The following SLCO2A1 variants were observed in gnomAD, a reference collection of about 807,000 sequenced individuals.
The protein encoded by SLCO2A1 is matrin F/G 1.
SLCO2A1 carries 60 observed loss-of-function variants against 71.7 expected under a neutral mutation model. That is an observed-to-expected ratio of 0.84 (90% confidence interval 0.68 to 1.04). The LOEUF is 1.04. SLCO2A1 is among the 50% of genes least tolerant of loss of function. The pLI is 0.00. For missense variants in SLCO2A1, 745 were observed against 813.4 expected (o/e 0.92, Z 1.02); for synonymous variants, 308 against 326.7 (o/e 0.94, Z 0.62).
intron 1 of SLCO2A1, among the ~76,000 whole-genome samples, chr3:133,983,822 T>C (rs1001304650): frequency 2.0e-5 from 3 of 152,192 alleles, no homozygotes; most frequent in African/African-American, 7.2e-5. Flanking sequence ...CATACAGCTT[T>C]GGGAGAGACG....
At chr3:134,000,426 G>A (rs1004284392) in intron 1 of SLCO2A1, among the ~76,000 whole-genome samples, 14 of 152,224 alleles carry the variant, frequency 9.2e-5, no homozygotes, top group African/African-American at 3.4e-4. Context: ...TGAGGGAGAA[G>A]CTAGGCACCT....
intron 1 of SLCO2A1, among the ~76,000 whole-genome samples, chr3:133,991,553 T>A (rs149904307): frequency 3.4e-4 from 52 of 152,382 alleles, no homozygotes; most frequent in African/African-American, 1.2e-3. Context: ...TTTAGTATTA[T>A]TCATTTTATT....
chr3:134,023,951 C>G (rs1935647751), intron 1 of SLCO2A1, among the ~76,000 whole-genome samples: 1 of 152,236 alleles, frequency 6.6e-6, no homozygotes. Flanking sequence ...CCCTGCGGGT[C>G]AGCCCCCAAA....
intron 13 of SLCO2A1, 131 bp downstream of exon 13, chr3:133,935,643 C>A: frequency 9.2e-7 from 1 of 1,088,866 alleles, no homozygotes. Context: ...ATGGCAGGGC[C>A]GCAGAGGTGG....
rs1393908707 is a variant in SLCO2A1 at position 134,002,160 on chromosome 3, C to G, written c.97-22542G>C. On this transcript the variant is annotated intron_variant, in intron 1 of 13. Coordinates refer to ENST00000310926, the MANE Select transcript of SLCO2A1 (RefSeq NM_005630.3). ...AAAACGTTTGCCATTTCCAAACTAT[C>G]TGGGGGCAAAAAGACAGAAATGGAA... 3.3e-5 allele frequency among the ~76,000 whole-genome samples: 5 copies of G among 152,230 alleles called. No individual in the cohort carries two copies. In the East Asian group the frequency reaches 9.6e-4, roughly 29 times the overall value.
At chr3:133,979,767 G>A (rs552234534) in intron 1 of SLCO2A1, 149 bp from the exon 2 acceptor site, 22 of 813,284 alleles carry the variant, frequency 2.7e-5, no homozygotes, top group South Asian at 2.6e-4. Flanking sequence ...AGGATGAAAC[G>A]TCATCATTGC....
At chr3:133,979,260 G>A (rs994350502) in intron 2 of SLCO2A1, among the ~76,000 whole-genome samples, 5 of 152,250 alleles carry the variant, frequency 3.3e-5, no homozygotes, top group African/African-American at 1.2e-4. Context: ...GGTCAGGCAT[G>A]GGAGGCTTTC....
At chr3:133,947,963 G>A (rs144734092) in intron 8 of SLCO2A1, among the ~76,000 whole-genome samples, 193 of 152,188 alleles carry the variant, frequency 1.3e-3, no homozygotes, top group African/African-American at 4.5e-3. Flanking sequence ...TAGGGTACTT[G>A]GTGGGACCAC....
chr3:133,937,374 C>T (rs1448823091), intron 12 of SLCO2A1, among the ~76,000 whole-genome samples: 2 of 152,200 alleles, frequency 1.3e-5, no homozygotes, highest in Non-Finnish European at 2.9e-5. Flanking sequence ...AGGGGCTCTG[C>T]AGGGACTAGA....
chr3:134,001,120 C>CT lies in SLCO2A1; in HGVS notation c.97-21503dup, dbSNP rs748857824. On this transcript the variant is annotated intron_variant, in intron 1 of 13. Coordinates refer to ENST00000310926, the MANE Select transcript of SLCO2A1 (RefSeq NM_005630.3). ...GGTGGGTCCACACAGAGTCTTTGGT[C>CT]TTTTTTTTTTTTTCTGAGACAGAGT... is the stretch of plus-strand genomic sequence containing the variant. Among the ~76,000 whole-genome samples the CT allele has an allele frequency of 1.7e-3, 253 of 145,120 alleles. 1 individual carries two copies. The highest frequency in any genetic ancestry group is 3.4e-3 in the African/African-American group (136 of 39,902).
intron 3 of SLCO2A1, among the ~76,000 whole-genome samples, chr3:133,960,574 T>C (rs1372424760): frequency 6.6e-6 from 1 of 152,208 alleles, no homozygotes; most frequent in African/African-American, 2.4e-5. Flanking sequence ...AGTTAGTGTT[T>C]AACAGATACA....
intron 1 of SLCO2A1, among the ~76,000 whole-genome samples, chr3:134,027,085 A>G (rs191668705): frequency 4.6e-5 from 7 of 152,340 alleles, no homozygotes; most frequent in Non-Finnish European, 7.3e-5. Flanking sequence ...CAAGTGTACT[A>G]TATGAATCAC....
chr3:133,973,404 G>A lies in SLCO2A1; in HGVS notation c.397+259C>T, dbSNP rs142878157. On this transcript the variant is annotated intron_variant, in intron 3 of 13. Coordinates refer to ENST00000310926, the MANE Select transcript of SLCO2A1 (RefSeq NM_005630.3). The stretch of plus-strand genomic sequence containing the variant: ...AGCCCCATTGCAGAAACTGCTCACA[G>A]TGTCCCCAGGGAGGTGGAGCTTGGG... Among the ~76,000 whole-genome samples the A allele has an allele frequency of 4.4e-4, 67 of 152,340 alleles. 1 individual carries two copies. The East Asian group carries it at 0.013, about 28-fold the overall frequency.
intron 1 of SLCO2A1, among the ~76,000 whole-genome samples, chr3:134,021,809 T>C (rs1215855383): frequency 1.6e-5 from 2 of 121,636 alleles, no homozygotes; most frequent in Non-Finnish European, 3.8e-5. Context: ...TTAAAACCTA[T>C]AATTGATAAT....
At chr3:133,967,444 G>A (rs962493794) in intron 3 of SLCO2A1, among the ~76,000 whole-genome samples, 6 of 152,118 alleles carry the variant, frequency 3.9e-5, no homozygotes, top group Non-Finnish European at 7.3e-5. Context: ...GCTCCTTCCC[G>A]GGCCTTCTCT....
At position 133,955,160 on chromosome 3, in the gene SLCO2A1, T is replaced by G. The variant is rs775166849; in HGVS notation, c.431A>C (p.Gln144Pro). 3.7e-6 allele frequency: 6 copies of G among 1,614,050 alleles called. No individual in the cohort carries two copies. In the South Asian group the frequency reaches 6.6e-5, roughly 18 times the overall value. The part of the protein sequence containing the change: ...NNSRLQAELC[Q>P]KHWQDLPPSK... ...GGGAGGCAGGTCCTGCCAATGCTTCTGGCAGAGCTCGGCCTGCAAGCGGCT... is the reference window on the plus strand; with the variant it reads ...GGGAGGCAGGTCCTGCCAATGCTTCGGGCAGAGCTCGGCCTGCAAGCGGCT... The change falls in exon 4 of 14, where the codon CAG (glutamine) becomes CCG (proline). Residue 144 changes from glutamine to proline, a missense_variant. Gln to Pro is a moderately conservative substitution (Grantham distance 76, BLOSUM62 -1). Transcript: ENST00000310926.
At chr3:133,982,699 T>C (rs140228200) in intron 1 of SLCO2A1, among the ~76,000 whole-genome samples, 29 of 152,224 alleles carry the variant, frequency 1.9e-4, no homozygotes, top group Non-Finnish European at 4.0e-4. Flanking sequence ...CCTCTTCTAC[T>C]GGTGTAAGCC....
intron 1 of SLCO2A1, among the ~76,000 whole-genome samples, chr3:133,982,269 C>T (rs1934612724): frequency 6.6e-6 from 1 of 152,154 alleles, no homozygotes; most frequent in African/African-American, 2.4e-5. Flanking sequence ...AGATCTTCCT[C>T]CTCTAGCCAC....
Position 133,942,756 on chromosome 3 carries a change from A to C in SLCO2A1, c.1474T>G (p.Cys492Gly). The C allele has an allele frequency of 6.3e-7, 1 of 1,598,930 alleles. No individual in the cohort carries two copies. ...ATSKQLIYLN[C>G]SCVTGGSASA... The stretch of plus-strand genomic sequence containing the variant: ...GCGGATCCCCCGGTCACACAGCTGC[A>C]GTTCAAATAGATCTTCAAGAGGAAG... The change falls in exon 11 of 14, where the codon TGC becomes GGC. Residue 492 changes from cysteine (C) to glycine (G), a missense_variant. Transcript: ENST00000310926.
Sources: gnomAD v4.1 joint callset for allele counts (sites outside exome capture counted in the v4.1 genomes callset) on GRCh38, gnomAD v4.1.1 for gene constraint, MANE v1.5 for transcripts, NCBI Gene and HGNC (gene_info 2026-07-23, HGNC 2026-07-21) for gene names.